Variants in LATS2 observed in about 807,000 individuals in gnomAD.
LATS2 encodes large tumor suppressor kinase 2, also known as serine/threonine-protein kinase LATS2.
A neutral mutation model predicts 76.0 loss-of-function variants in LATS2; 24 were observed. That is an observed-to-expected ratio of 0.32 (90% confidence interval 0.23 to 0.44). The LOEUF is 0.44. Among genes scored for constraint, LATS2 ranks in the 20% least tolerant of loss-of-function variants. The pLI is 1.00. For missense variants in LATS2, 1,286 were observed against 1,481.2 expected (o/e 0.87, Z 2.16); for synonymous variants, 692 against 635.4 (o/e 1.09, Z -1.34).
chr13:20,999,255 C>T (rs1870920762), intron 2 of LATS2, among the ~76,000 whole-genome samples: 1 of 152,256 alleles, frequency 6.6e-6, no homozygotes, highest in Non-Finnish European at 1.5e-5. Flanking sequence ...CCGCCTCCGA[C>T]CGCTGGTGGC....
chr13:21,025,410 A>AAAAATT (rs1872274353), intron 2 of LATS2, among the ~76,000 whole-genome samples: 1 of 149,288 alleles, frequency 6.7e-6, no homozygotes, highest in Non-Finnish European at 1.5e-5. Context: ...AAAAAAAAAA[A>AAAAATT]AAAATTATGG....
At chr13:21,060,736 G>T (rs918530827) in intron 1 of LATS2, among the ~76,000 whole-genome samples, 2 of 151,408 alleles carry the variant, frequency 1.3e-5, no homozygotes, top group African/African-American at 4.8e-5. Context: ...TCGGCTCGCG[G>T]GACGACGGGG....
At chr13:21,000,993 C>A (rs539841) in intron 2 of LATS2, among the ~76,000 whole-genome samples, 1 of 152,216 alleles carries the variant, frequency 6.6e-6, no homozygotes, top group African/African-American at 2.4e-5. Flanking sequence ...ATGACAATAA[C>A]ATGCTTACAC....
Position 20,983,635 on chromosome 13 carries a change from G to A in LATS2, c.2071C>T (p.His691Tyr), listed in dbSNP as rs774063705. Reference sequence around the variant, plus strand: ...AGGGTCTTCATGGCGTACAGGGCGTGAGTGTCCACCTTACAAGCAAGGCAC... The same window carrying A: ...AGGGTCTTCATGGCGTACAGGGCGTAAGTGTCCACCTTACAAGCAAGGCAC... ...EVCLACKVDT[H>Y]ALYAMKTLRK... The change falls in exon 5 of 8, where the codon CAC (histidine) becomes TAC (tyrosine). Residue 691 changes from histidine to tyrosine, a missense_variant. Physicochemically the swap from His to Tyr is moderately conservative, Grantham distance 83. This residue lies in a region of LATS2 where 247 missense variants were observed against 385.4 expected (regional missense o/e 0.64). Coordinates refer to ENST00000382592, the MANE Select transcript of LATS2 (RefSeq NM_014572.3). 1 of 1,614,124 alleles carries A rather than the reference G, an allele frequency of 6.2e-7. No individual in the cohort carries two copies. The highest frequency in any genetic ancestry group is 2.2e-5 in the East Asian group (1 of 44,872).
chr13:20,978,759 T>A (rs1565940927), intron 7 of LATS2, among the ~76,000 whole-genome samples: 1 of 152,120 alleles, frequency 6.6e-6, no homozygotes, highest in East Asian at 1.9e-4. Flanking sequence ...CTATTTTCTC[T>A]TCTTTATGAT....
At chr13:20,986,407 G>C (rs1001191433) in intron 4 of LATS2, among the ~76,000 whole-genome samples, 7 of 152,142 alleles carry the variant, frequency 4.6e-5, no homozygotes, top group Non-Finnish European at 1.0e-4. Context: ...AGAAAATGTG[G>C]TCTGTGTACA....
At chr13:21,034,414 T>G (rs1359741265) in intron 2 of LATS2, among the ~76,000 whole-genome samples, 1 of 152,172 alleles carries the variant, frequency 6.6e-6, no homozygotes, top group African/African-American at 2.4e-5. Context: ...AACTGGGTCC[T>G]GACCGGGGAG....
At chr13:20,998,987 C>T (rs1490266906) in intron 2 of LATS2, among the ~76,000 whole-genome samples, 2 of 151,874 alleles carry the variant, frequency 1.3e-5, no homozygotes, top group African/African-American at 4.8e-5. Flanking sequence ...CTTGTCCACG[C>T]AGGACAGGGA....
At chr13:21,003,754 T>C (rs1871149086) in intron 2 of LATS2, among the ~76,000 whole-genome samples, 1 of 151,722 alleles carries the variant, frequency 6.6e-6, no homozygotes, top group African/African-American at 2.4e-5. Context: ...ATTTTTGTCT[T>C]TTTGGTAGAG....
Position 20,974,846 on chromosome 13 carries a change from G to T in LATS2, c.*24C>A. 2 of 1,582,320 alleles carry T rather than the reference G, an allele frequency of 1.3e-6. No homozygotes were observed. The highest frequency in any genetic ancestry group is 1.2e-5 in the South Asian group (1 of 85,908). On this transcript the variant is annotated 3_prime_UTR_variant, in exon 8 of 8. Coordinates refer to ENST00000382592, the MANE Select transcript of LATS2 (RefSeq NM_014572.3). ...GGGACCCTGACCTGGGAGGCAGCGA[G>T]TGGTGGGGGTGCCTGGCCCCCATCT...
chr13:21,041,197 C>A (rs1394454082), intron 2 of LATS2, among the ~76,000 whole-genome samples: 2 of 152,114 alleles, frequency 1.3e-5, no homozygotes, highest in Non-Finnish European at 2.9e-5. Context: ...TGGTCTCGAC[C>A]TCCTGACCTC....
rs766346109 is a variant in LATS2 at position 20,988,650 on chromosome 13, C to A, written c.1130G>T (p.Arg377Leu). ...VQQWPAATLARRDSLQKPGLE... is the reference protein window; with the variant it reads ...VQQWPAATLALRDSLQKPGLE... Reference sequence around the variant, plus strand: ...GCCCGGCTTCTGCAGGGAGTCCCGGCGGGCCAGGGTGGCAGCCGGCCACTG... The same window carrying A: ...GCCCGGCTTCTGCAGGGAGTCCCGGAGGGCCAGGGTGGCAGCCGGCCACTG... The change falls in exon 4 of 8, where the codon CGC (arginine) becomes CTC (leucine). Residue 377 changes from arginine (R) to leucine (L), a missense_variant. By Grantham distance (102) the Arg-to-Leu change is moderately radical. Coordinates refer to ENST00000382592, the MANE Select transcript of LATS2 (RefSeq NM_014572.3). 4 of 1,581,366 alleles carry A rather than the reference C, an allele frequency of 2.5e-6. No individual in the cohort carries two copies. Among genetic ancestry groups the A allele is most frequent in the Non-Finnish European group, 2.6e-6 (3 of 1,173,042 alleles).
intron 7 of LATS2, among the ~76,000 whole-genome samples, chr13:20,977,947 GCT>G (rs1869700839): frequency 6.6e-6 from 1 of 151,864 alleles, no homozygotes; most frequent in Non-Finnish European, 1.5e-5. Context: ...ACAGAGTCTC[GCT>G]CTGTCATCCA....
chr13:21,047,372 C>T (rs953544506), intron 1 of LATS2, among the ~76,000 whole-genome samples: 4 of 152,170 alleles, frequency 2.6e-5, no homozygotes, highest in African/African-American at 9.7e-5. Context: ...CAACATCCTC[C>T]CTATTCTTCA....
chr13:21,049,643 G>A (rs1873191740), intron 1 of LATS2, among the ~76,000 whole-genome samples: 1 of 152,140 alleles, frequency 6.6e-6, no homozygotes, highest in African/African-American at 2.4e-5. Context: ...GCTATGAAAG[G>A]ACAAGAGCCA....
At chr13:21,014,568 G>C (rs1871726421) in intron 2 of LATS2, among the ~76,000 whole-genome samples, 3 of 152,184 alleles carry the variant, frequency 2.0e-5, no homozygotes, top group Admixed American at 2.0e-4. Flanking sequence ...CAATGCTGAG[G>C]ATGGATGCTA....
chr13:20,997,679 T>C (rs1870816050), intron 2 of LATS2, among the ~76,000 whole-genome samples: 1 of 152,212 alleles, frequency 6.6e-6, no homozygotes, highest in South Asian at 2.1e-4. Flanking sequence ...CTCTGCTCTC[T>C]TGGCTTGGTC....
intron 2 of LATS2, among the ~76,000 whole-genome samples, chr13:21,026,384 A>T (rs139462664): frequency 6.6e-6 from 1 of 152,050 alleles, no homozygotes; most frequent in African/African-American, 2.4e-5. Context: ...TTTTGTGTTC[A>T]GCATCTTTCG....
chr13:20,976,360 T>C (rs140866184), intron 7 of LATS2, among the ~76,000 whole-genome samples: 134 of 152,238 alleles, frequency 8.8e-4, no homozygotes, highest in African/African-American at 3.0e-3. Flanking sequence ...GAAGAAAACA[T>C]AGGGTGAAAT....
Sources: allele counts gnomAD v4.1 joint callset (sites outside exome capture counted in the v4.1 genomes callset), GRCh38; gene constraint gnomAD v4.1.1; regional missense constraint gnomAD v4.1.1; transcripts MANE v1.5; gene names NCBI Gene and HGNC (gene_info 2026-07-23, HGNC 2026-07-21).